The following UMODL1 variants were observed in gnomAD, a reference collection of about 807,000 sequenced individuals.
The protein encoded by UMODL1 is uromodulin-like 1.
UMODL1 carries 128 observed loss-of-function variants against 136.3 expected under a neutral mutation model. The observed-to-expected ratio is 0.94, with a 90% CI of 0.81 to 1.09. UMODL1 has a LOEUF of 1.09. UMODL1 is among the 50% of genes least tolerant of loss of function. The pLI, the probability that UMODL1 is intolerant of heterozygous loss-of-function variation, is 0.00. For missense variants in UMODL1, 1,766 were observed against 1,725.6 expected, an observed-to-expected ratio of 1.02 and a Z score of -0.41; for synonymous variants, 721 against 720.0, an observed-to-expected ratio of 1.00 and a Z score of -0.02.
intron 1 of UMODL1, among the ~76,000 whole-genome samples, chr21:42,075,209 G>A (rs1218734208): frequency 7.3e-5 from 11 of 149,998 alleles, no homozygotes; most frequent in Admixed American, 4.0e-4. Context: ...GCCCACACCC[G>A]GCTAATTTTT....
At chr21:42,073,352 G>A (rs1424867789) in intron 1 of UMODL1, among the ~76,000 whole-genome samples, 9 of 152,166 alleles carry the variant, frequency 5.9e-5, no homozygotes, top group African/African-American at 1.4e-4. Context: ...CCCTGGTCCC[G>A]GAAGCTGATT....
At position 42,073,813 on chromosome 21, in the gene UMODL1, C is replaced by A. The variant is rs113799209; in HGVS notation, c.77-2192C>A. ...CTGCTCCCATCTCTGTGTTCCTCCC[C>A]AGAAATCAATCCAGCTACTCATTGA... On this transcript the variant is annotated intron_variant, in intron 1 of 22. Transcript: ENST00000408910. 5.6e-3 allele frequency among the ~76,000 whole-genome samples: 815 copies of A among 146,130 alleles called. 8 individuals are homozygous for A. The highest frequency in any genetic ancestry group is 0.02 in the African/African-American group (785 of 39,286).
chr21:42,121,034 G>C, intron 15 of UMODL1, 53 bp from the exon 16 acceptor site: 2 of 1,573,248 alleles, frequency 1.3e-6, no homozygotes, highest in Non-Finnish European at 1.7e-6. Flanking sequence ...GCTGCTGTGA[G>C]ACCACAAGCC....
At chr21:42,088,621 T>G in intron 5 of UMODL1, 141 bp downstream of exon 5, 1 of 885,426 alleles carries the variant, frequency 1.1e-6, no homozygotes, top group Non-Finnish European at 1.7e-6. Context: ...AATAACTGGT[T>G]CAAGTGTGTT....
chr21:42,063,869 G>A (rs938020514), intron 1 of UMODL1, among the ~76,000 whole-genome samples: 2 of 152,016 alleles, frequency 1.3e-5, no homozygotes, highest in African/African-American at 2.4e-5. Context: ...GTGGAGCAGA[G>A]CAAACCACCC....
intron 6 of UMODL1, among the ~76,000 whole-genome samples, chr21:42,097,431 G>A (rs1318759485): frequency 1.3e-5 from 2 of 152,218 alleles, no homozygotes; most frequent in Non-Finnish European, 2.9e-5. Flanking sequence ...GCTATGTCGC[G>A]TGGTGGTGAC....
chr21:42,103,726 TGA>T, intron 8 of UMODL1, 140 bp from the exon 9 acceptor site: 1 of 969,906 alleles, frequency 1.0e-6, no homozygotes, highest in Non-Finnish European at 1.6e-6. Context: ...CTGCGTGCTC[TGA>T]GAGGTCGGTC....
chr21:42,079,790 G>C (rs972091696), intron 2 of UMODL1, among the ~76,000 whole-genome samples: 4 of 152,248 alleles, frequency 2.6e-5, no homozygotes, highest in African/African-American at 9.6e-5. Flanking sequence ...GGCAGGCTGG[G>C]GATGTGGACC....
intron 19 of UMODL1, among the ~76,000 whole-genome samples, 170 bp from the exon 20 acceptor site, chr21:42,127,502 G>A (rs9984766): frequency 0.098 from 14,902 of 152,254 alleles, 1,004 homozygotes; most frequent in South Asian, 0.21. Flanking sequence ...CCAGGCGAGT[G>A]CTGTCATGGA....
In UMODL1 at chr21:42,126,487, G is replaced by C; in HGVS notation, c.3290G>C (p.Trp1097Ser). The change falls in exon 18 of 23, where the codon TGG (tryptophan) becomes TCG (serine). Residue 1097 changes from tryptophan (W) to serine (S), a missense_variant. Transcript: ENST00000408910. ...ACATCCTCCGGCTTCACCCTGGAGTGGGGGTAAGGGAGAAATGCCCCGGCT... is the reference window on the plus strand; with the variant it reads ...ACATCCTCCGGCTTCACCCTGGAGTCGGGGTAAGGGAGAAATGCCCCGGCT... Reference protein sequence around the residue: ...LLTSSGFTLEWGVYTIIEDLH... With the variant: ...LLTSSGFTLESGVYTIIEDLH... The C allele has an allele frequency of 6.2e-7, 1 of 1,614,226 alleles. No individual in the cohort carries two copies. The highest frequency in any genetic ancestry group is 1.1e-5 in the South Asian group (1 of 91,090).
Position 42,103,990 on chromosome 21 carries a change from C to T in UMODL1, c.1422C>T (p.Pro474=), listed in dbSNP as rs767367942. 4.0e-5 allele frequency: 65 copies of T among 1,614,032 alleles called. No individual in the cohort carries two copies. In the South Asian group the frequency reaches 4.5e-4, roughly 11 times the overall value. The change falls in exon 9 of 23, where the codon CCC becomes CCT. Residue 474 remains proline, a synonymous_variant. Transcript: ENST00000408910. ...VVRLKLTVQD[P]GFPMGISTLA... ...GGCTCAAGCTCACCGTGCAGGACCC[C>T]GGGTTTCCCATGGGCATCTCCACGC... is the stretch of plus-strand genomic sequence containing the variant.
Position 42,090,448 on chromosome 21 carries a change from A to G in UMODL1, c.931+10A>G. On this transcript the variant is annotated intron_variant, in intron 6 of 22. Transcript: ENST00000408910. ...AACCTGGAGTGGGAAGGTAATGGCTAGGCTCTCTCAGATGGCATGGGAATG... is the reference window on the plus strand; with the variant it reads ...AACCTGGAGTGGGAAGGTAATGGCTGGGCTCTCTCAGATGGCATGGGAATG... 1 of 1,613,450 alleles carries G rather than the reference A, an allele frequency of 6.2e-7. No homozygotes were observed. Among genetic ancestry groups the G allele is most frequent in the Non-Finnish European group, 8.5e-7 (1 of 1,179,788 alleles).
At chr21:42,095,095 T>TTTTTG (rs1316988322) in intron 6 of UMODL1, among the ~76,000 whole-genome samples, 2 of 118,288 alleles carry the variant, frequency 1.7e-5, no homozygotes, top group African/African-American at 6.2e-5. Flanking sequence ...TGCTGTTTTT[T>TTTTTG]TTTTTTTTTT....
intron 6 of UMODL1, among the ~76,000 whole-genome samples, chr21:42,098,685 T>G (rs542356834): frequency 4.1e-4 from 62 of 152,270 alleles, no homozygotes; most frequent in Middle Eastern, 6.8e-3. Flanking sequence ...GAGAATTGCT[T>G]GAACCCGGGA....
chr21:42,126,299 G>T (rs762280669), intron 17 of UMODL1, 46 bp from the exon 18 acceptor site: 2 of 1,609,530 alleles, frequency 1.2e-6, no homozygotes, highest in Non-Finnish European at 1.7e-6. Flanking sequence ...GGGCGTGGGG[G>T]GCCGGCTGGG....
chr21:42,063,605 AG>A (rs34760427), intron 1 of UMODL1, among the ~76,000 whole-genome samples: 29,717 of 152,138 alleles, frequency 0.2, 3,381 homozygotes, highest in Non-Finnish European at 0.26. Flanking sequence ...CCTGATCGTT[AG>A]GACAGGAGCA....
At chr21:42,125,428 C>T (rs1259427726) in intron 17 of UMODL1, among the ~76,000 whole-genome samples, 1 of 152,180 alleles carries the variant, frequency 6.6e-6, no homozygotes, top group Non-Finnish European at 1.5e-5. Flanking sequence ...GCACAGCTCA[C>T]TCTGCCGAGC....
intron 11 of UMODL1, 102 bp from the exon 12 acceptor site, chr21:42,111,404 A>G: frequency 2.5e-6 from 4 of 1,613,352 alleles, no homozygotes; most frequent in Non-Finnish European, 3.4e-6. Flanking sequence ...CCATAGGAAC[A>G]CTATCGGGGT....
At chr21:42,069,271 C>T (rs1461316869), upstream of UMODL1, among the ~76,000 whole-genome samples, 1 of 151,092 alleles carries the variant, frequency 6.6e-6, no homozygotes, top group African/African-American at 2.5e-5. Flanking sequence ...CACACACAAA[C>T]AGCAGGGGTA....
Sources: allele counts gnomAD v4.1 joint callset (sites outside exome capture counted in the v4.1 genomes callset), GRCh38; gene constraint gnomAD v4.1.1; transcripts MANE v1.5; gene names NCBI Gene and HGNC (gene_info 2026-07-23, HGNC 2026-07-21).